The following SPATA1 variants were observed in gnomAD, a reference collection of about 807,000 sequenced individuals.
SPATA1 encodes spermatogenesis associated 1.
A neutral mutation model predicts 59.6 loss-of-function variants in SPATA1; 57 were observed. That is an observed-to-expected ratio of 0.96 (90% CI 0.77 to 1.19). SPATA1 has a LOEUF of 1.19. SPATA1 is among the 50% of genes most tolerant of loss of function. SPATA1 has a pLI of 0.00. For missense variants in SPATA1, 448 were observed against 480.7 expected, an observed-to-expected ratio of 0.93 and a Z score of 0.64; for synonymous variants, 147 against 163.9, an observed-to-expected ratio of 0.90 and a Z score of 0.79.
intron 8 of SPATA1, among the ~76,000 whole-genome samples, chr1:84,542,382 T>A (rs1683942064): frequency 6.6e-6 from 1 of 152,076 alleles, no homozygotes; most frequent in Admixed American, 6.5e-5. Context: ...CCCAAGGACA[T>A]CTCTCCCTTT....
At chr1:84,531,570 CT>C (rs11344822) in intron 6 of SPATA1, among the ~76,000 whole-genome samples, 28,244 of 105,126 alleles carry the variant, frequency 0.27, 1,989 homozygotes, top group South Asian at 0.34. Context: ...TTTGGCAAGT[CT>C]TTTTTTTTTT....
chr1:84,550,587 T>G (rs1684240007), intron 12 of SPATA1, 57 bp downstream of exon 12: 3 of 1,435,418 alleles, frequency 2.1e-6, no homozygotes, highest in African/African-American at 2.9e-5. Flanking sequence ...AATAAAATAT[T>G]TTGGTGTTTT....
At chr1:84,517,462 A>G (rs187563786) in intron 2 of SPATA1, among the ~76,000 whole-genome samples, 1 of 152,154 alleles carries the variant, frequency 6.6e-6, no homozygotes, top group African/African-American at 2.4e-5. Flanking sequence ...CCTATATTCA[A>G]CTGACTAACT....
Position 84,533,706 on chromosome 1 carries a change from A to C in SPATA1, c.660-3A>C. The stretch of plus-strand genomic sequence containing the variant: ...GACTTTCAAACCTGTCATTTCCTTT[A>C]AGTCAGTGTCTTTGGGAAAATGAAG... On this transcript the variant is annotated splice_region_variant and splice_polypyrimidine_tract_variant and intron_variant, in intron 7 of 12. Coordinates refer to ENST00000490879, the Ensembl canonical transcript of SPATA1. 6.4e-7 allele frequency: 1 copy of C among 1,558,574 alleles called. No individual in the cohort carries two copies. The highest frequency in any genetic ancestry group is 1.2e-5 in the South Asian group (1 of 84,184).
intron 1 of SPATA1, among the ~76,000 whole-genome samples, chr1:84,514,140 C>T (rs960269274): frequency 1.3e-5 from 2 of 152,004 alleles, no homozygotes; most frequent in Non-Finnish European, 1.5e-5. Flanking sequence ...CCACCACGCC[C>T]GGCTCTCTTT....
chr1:84,563,151 T>A, intron 4 of SPATA1: 3 of 713,386 alleles, frequency 4.2e-6, no homozygotes, highest in Non-Finnish European at 6.3e-6. Flanking sequence ...CTGCATGTTA[T>A]GCCCTAAAAG....
chr1:84,549,094 T>C, intron 11 of SPATA1, 130 bp downstream of exon 11: 4 of 905,782 alleles, frequency 4.4e-6, no homozygotes, highest in South Asian at 3.2e-5. Context: ...ATAAAAAAAC[T>C]CATGACCTTA....
intron 8 of SPATA1, among the ~76,000 whole-genome samples, chr1:84,543,895 A>ATATTT (rs1683993268): frequency 6.6e-6 from 1 of 152,238 alleles, no homozygotes; most frequent in Non-Finnish European, 1.5e-5. Flanking sequence ...GCATCTTAGA[A>ATATTT]AATATTTAAA....
At chr1:84,552,945 G>T in intron 12 of SPATA1, 1 of 781,970 alleles carries the variant, frequency 1.3e-6, no homozygotes, top group Non-Finnish European at 2.0e-6. Context: ...CAGTTAAAGC[G>T]GTTACAAAAA....
chr1:84,508,717 T>A (rs1682395919), intron 1 of SPATA1, among the ~76,000 whole-genome samples: 1 of 152,214 alleles, frequency 6.6e-6, no homozygotes, highest in South Asian at 2.1e-4. Context: ...AAAAGCTGAA[T>A]CTCTTCAAAG....
At chr1:84,520,969 A>C (rs1445780153) in intron 3 of SPATA1, among the ~76,000 whole-genome samples, 1 of 152,088 alleles carries the variant, frequency 6.6e-6, no homozygotes, top group Non-Finnish European at 1.5e-5. Flanking sequence ...TTAAGAGAGA[A>C]GTTATCTAAA....
rs116659071 is a variant in SPATA1, at chr1:84,559,822, T to G, written n.442+3843T>G. ...TGTGTTGGCCAGGTGCAGTGGCCCATGCGTGTAATCCCAGGCCTTTGGGAG... is the reference window on the plus strand; with the variant it reads ...TGTGTTGGCCAGGTGCAGTGGCCCAGGCGTGTAATCCCAGGCCTTTGGGAG... On this transcript the variant is annotated intron_variant and non_coding_transcript_variant, in intron 4 of 4. Transcript: ENST00000460286. 4.3e-3 allele frequency among the ~76,000 whole-genome samples: 653 copies of G among 152,118 alleles called. 1 individual carries two copies. Among genetic ancestry groups the G allele is most frequent in the Admixed American group, 7.2e-3 (110 of 15,276 alleles).
intron 8 of SPATA1, among the ~76,000 whole-genome samples, chr1:84,537,180 C>T (rs926197866): frequency 7.9e-5 from 12 of 152,100 alleles, no homozygotes; most frequent in African/African-American, 2.9e-4. Context: ...GCCCGGCCTA[C>T]TTGATTTCTT....
chr1:84,530,345 T>G (rs1044566075), intron 6 of SPATA1, among the ~76,000 whole-genome samples: 1 of 152,134 alleles, frequency 6.6e-6, no homozygotes, highest in Non-Finnish European at 1.5e-5. Flanking sequence ...GTTCAGTAAT[T>G]TTTATCTATT....
intron 4 of SPATA1, chr1:84,563,425 A>G: frequency 6.7e-7 from 1 of 1,487,482 alleles, no homozygotes; most frequent in Non-Finnish European, 8.9e-7. Context: ...GATCCTAGAA[A>G]TGCAAAAGTG....
intron 10 of SPATA1, among the ~76,000 whole-genome samples, chr1:84,548,517 GAT>G (rs1684165335): frequency 6.8e-6 from 1 of 146,778 alleles, no homozygotes; most frequent in Admixed American, 6.8e-5. Context: ...ATTACTTTTA[GAT>G]ATATTACTTT....
chr1:84,555,262 G>A, downstream of SPATA1: 1 of 1,307,404 alleles, frequency 7.6e-7, no homozygotes, highest in Non-Finnish European at 1.1e-6. Context: ...CCACAGGAAA[G>A]GGAAAAATAA....
intron 12 of SPATA1, chr1:84,551,559 TTTAAG>T (rs1163579941): frequency 2.0e-5 from 3 of 153,600 alleles, no homozygotes; most frequent in Non-Finnish European, 4.3e-5. Context: ...TTTTAGTTAA[TTTAAG>T]TTTAGTAGTT....
At chr1:84,558,179 A>T (rs1684504129), downstream of SPATA1, among the ~76,000 whole-genome samples, 1 of 152,214 alleles carries the variant, frequency 6.6e-6, no homozygotes, top group Admixed American at 6.5e-5. Context: ...AAAAAATGGT[A>T]TGTGAGGTAA....
Sources: gnomAD v4.1 joint callset for allele counts (sites outside exome capture counted in the v4.1 genomes callset) on GRCh38, gnomAD v4.1.1 for gene constraint, MANE v1.5 for transcripts, NCBI Gene and HGNC (gene_info 2026-07-23, HGNC 2026-07-21) for gene names.